Variants in PKP1 observed in about 807,000 individuals in gnomAD.
The protein encoded by PKP1 is plakophilin-1.
PKP1 carries 27 observed loss-of-function variants against 76.4 expected under a neutral mutation model. The ratio of observed to expected loss-of-function variants is 0.35; its 90% CI spans 0.26 to 0.49. PKP1 has a LOEUF of 0.49. Ranked by LOEUF, PKP1 falls within the 20% of genes least tolerant of loss-of-function variation. PKP1 has a pLI of 0.99. For synonymous variants in PKP1, 404 were observed against 384.2 expected (o/e 1.05, Z -0.60); for missense variants, 964 against 955.2 (o/e 1.01, Z -0.12).
chr1:201,301,742 T>C (rs1049084669), intron 2 of PKP1, among the ~76,000 whole-genome samples: 1 of 152,132 alleles, frequency 6.6e-6, no homozygotes, highest in Admixed American at 6.5e-5. Context: ...TTTTTTTTTT[T>C]TCTTTTGGCC....
chr1:201,290,061 G>C (rs1163263074), intron 1 of PKP1, among the ~76,000 whole-genome samples: 1 of 152,112 alleles, frequency 6.6e-6, no homozygotes, highest in Non-Finnish European at 1.5e-5. Context: ...GTTTTGAGGC[G>C]AGAAAGCTTG....
intron 7 of PKP1, among the ~76,000 whole-genome samples, chr1:201,320,988 G>C (rs1483211113): frequency 1.3e-5 from 2 of 152,216 alleles, no homozygotes; most frequent in Non-Finnish European, 2.9e-5. Flanking sequence ...AAGAAAAAAA[G>C]TTGTGGAGGG....
chr1:201,306,819 C>T (rs1400352657), intron 2 of PKP1, among the ~76,000 whole-genome samples: 3 of 148,982 alleles, frequency 2.0e-5, no homozygotes, highest in Non-Finnish European at 3.0e-5. Context: ...GGACTATAGG[C>T]GCCCACCACC....
chr1:201,295,698 T>C (rs1656051085), intron 2 of PKP1, among the ~76,000 whole-genome samples: 1 of 152,206 alleles, frequency 6.6e-6, no homozygotes, highest in Non-Finnish European at 1.5e-5. Context: ...TGACTTTAGA[T>C]AGTTTAATTT....
chr1:201,324,365 T>A, intron 9 of PKP1, 63 bp from the exon 10 acceptor site: 1 of 1,558,160 alleles, frequency 6.4e-7, no homozygotes, highest in Non-Finnish European at 8.8e-7. Context: ...CCTTGCCCCT[T>A]TCTGCCTGCC....
chr1:201,303,583 T>C (rs539792126), intron 2 of PKP1, among the ~76,000 whole-genome samples: 2 of 152,348 alleles, frequency 1.3e-5, no homozygotes, highest in East Asian at 3.9e-4. Context: ...TAGGTACTTT[T>C]ACCTGGCAGA....
At position 201,313,462 on chromosome 1, in the gene PKP1, G is replaced by T; in HGVS notation, c.603G>T (p.Val201=). Residue 201 remains valine, a synonymous_variant, in exon 3 of 14, where the codon GTG becomes GTT. Transcript: ENST00000367324. ...SGQKAIKKCP[V]RPPSCASKQD... ...AGAAGGCCATAAAGAAGTGCCCTGT[G>T]CGCCCGCCCTCTTGTGCCTCCAAGC... 1 of 1,611,652 alleles carries T rather than the reference G, an allele frequency of 6.2e-7. No homozygotes were observed. The highest frequency in any genetic ancestry group is 1.1e-5 in the South Asian group (1 of 90,236).
At chr1:201,296,547 TA>T (rs1656079698) in intron 2 of PKP1, among the ~76,000 whole-genome samples, 2 of 152,226 alleles carry the variant, frequency 1.3e-5, no homozygotes, top group Admixed American at 6.5e-5. Flanking sequence ...AGATACTTTA[TA>T]TTCACTCGGT....
At chr1:201,321,912 G>A in intron 7 of PKP1, 66 bp from the exon 8 acceptor site, 1 of 1,584,120 alleles carries the variant, frequency 6.3e-7, no homozygotes, top group South Asian at 1.1e-5. Context: ...AGCTAGGGTA[G>A]GTGGTAGGCC....
At chr1:201,306,605 A>G (rs1656373475) in intron 2 of PKP1, among the ~76,000 whole-genome samples, 1 of 152,236 alleles carries the variant, frequency 6.6e-6, no homozygotes, top group Admixed American at 6.5e-5. Context: ...TTCAAAGCTT[A>G]TAAGGGATAC....
In PKP1 at chr1:201,317,849, G is replaced by A. The variant is rs1302984909; in HGVS notation, c.1054+70G>A. On this transcript the variant is annotated intron_variant, in intron 5 of 13. Transcript: ENST00000367324. ...GGCCACTGGCTATGGCCCCAGGCTGGGGTGCAAGCCTGTCTCTCCAGGCTG... is the reference window on the plus strand; with the variant it reads ...GGCCACTGGCTATGGCCCCAGGCTGAGGTGCAAGCCTGTCTCTCCAGGCTG... The A allele has an allele frequency of 3.5e-6, 5 of 1,439,262 alleles. No homozygotes were observed. In the East Asian group the frequency reaches 9.5e-5, roughly 27 times the overall value. 89.2% of individuals were successfully genotyped at this position (1,439,262 alleles called of 1,614,324 possible).
chr1:201,310,652 C>T (rs560383833), intron 2 of PKP1, among the ~76,000 whole-genome samples: 5 of 152,308 alleles, frequency 3.3e-5, no homozygotes, highest in African/African-American at 1.2e-4. Flanking sequence ...GGCTTTACTC[C>T]TGCTTGTCAA....
At chr1:201,287,236 C>T (rs1186244283) in intron 1 of PKP1, among the ~76,000 whole-genome samples, 1 of 152,178 alleles carries the variant, frequency 6.6e-6, no homozygotes. Context: ...AACATTGAGC[C>T]AGGGGAGGTG....
In PKP1 at chr1:201,324,928, G is replaced by T. The variant is rs199726807; in HGVS notation, c.1835-13G>T. The T allele has an allele frequency of 6.2e-7, 1 of 1,612,664 alleles. No individual in the cohort carries two copies. Among genetic ancestry groups the T allele is most frequent in the Non-Finnish European group, 8.5e-7 (1 of 1,179,566 alleles). ...TCATCCTGACCCTGTGCCCCAACTCGTTCCTCTCCCAGGGAACCAGGTGTT... is the reference window on the plus strand; with the variant it reads ...TCATCCTGACCCTGTGCCCCAACTCTTTCCTCTCCCAGGGAACCAGGTGTT... On this transcript the variant is annotated splice_polypyrimidine_tract_variant and intron_variant, in intron 10 of 13. Transcript: ENST00000367324.
chr1:201,293,380 G>A (rs2102154400), intron 1 of PKP1, among the ~76,000 whole-genome samples: 1 of 152,310 alleles, frequency 6.6e-6, no homozygotes, highest in African/African-American at 2.4e-5. Context: ...CTGGGCCTTT[G>A]AGGTTGATCG....
At position 201,322,132 on chromosome 1, in the gene PKP1, T is replaced by C. The variant is rs1380543459; in HGVS notation, c.1502T>C (p.Met501Thr). The C allele has an allele frequency of 1.2e-6, 2 of 1,609,916 alleles. No individual in the cohort carries two copies. The highest frequency in any genetic ancestry group is 1.7e-5 in the Admixed American group (1 of 59,872). ...TTCAGCAACAAGAGCGACAAGATGATGGTGAGCACAGCATCAGCAGGGCGG... is the reference window on the plus strand; with the variant it reads ...TTCAGCAACAAGAGCGACAAGATGACGGTGAGCACAGCATCAGCAGGGCGG... Reference protein sequence around the residue: ...GCFSNKSDKMMNNNYDCPLPE... With the variant: ...GCFSNKSDKMTNNNYDCPLPE... The change falls in exon 8 of 14, where the codon ATG (methionine) becomes ACG (threonine). Residue 501 changes from methionine to threonine, a missense_variant and splice_region_variant. Met to Thr is a moderately conservative substitution (Grantham distance 81). Transcript: ENST00000367324.
At chr1:201,316,450 C>A (rs1266786580) in intron 3 of PKP1, 103 bp from the exon 4 acceptor site, 2 of 1,245,530 alleles carry the variant, frequency 1.6e-6, no homozygotes, top group African/African-American at 3.0e-5. Context: ...CTCCAGAGGG[C>A]AGATGAGGCT....
In PKP1 at chr1:201,319,673, G is replaced by C. The variant is rs908101464; in HGVS notation, c.1233-594G>C. 1.4e-4 allele frequency: 116 copies of C among 800,624 alleles called. No individual in the cohort carries two copies. In the African/African-American group the frequency reaches 1.5e-3, roughly 10 times the overall value. The allele number at this position is 800,624 out of a possible 1,614,324, so 49.6% of individuals were successfully genotyped here. A position where few individuals can be genotyped will look rare whatever the true frequency, so the allele number is the denominator to read the frequency against. On this transcript the variant is annotated intron_variant, in intron 6 of 13. Transcript: ENST00000367324. ...GGCTGATGAGCCCACATTGCTTGGG[G>C]ATGAGCCCACATTGCTTGGGAGTGA...
In PKP1 at chr1:201,328,755, T is replaced by C; in HGVS notation, c.2107-7T>C. 6.2e-7 allele frequency: 1 copy of C among 1,613,956 alleles called. No homozygotes were observed. The highest frequency in any genetic ancestry group is 8.5e-7 in the Non-Finnish European group (1 of 1,179,828). On this transcript the variant is annotated splice_polypyrimidine_tract_variant and splice_region_variant and intron_variant, in intron 12 of 13. Coordinates refer to ENST00000367324, the MANE Select transcript of PKP1 (RefSeq NM_001005337.3). ...GTGTCATTTGGTTGCTGTTTCTCCCTTTGCAGCAAGGTTTCGATAGGAACA... is the reference window on the plus strand; with the variant it reads ...GTGTCATTTGGTTGCTGTTTCTCCCCTTGCAGCAAGGTTTCGATAGGAACA...
Sources: gnomAD v4.1 joint callset for allele counts (sites outside exome capture counted in the v4.1 genomes callset) on GRCh38, gnomAD v4.1.1 for gene constraint, MANE v1.5 for transcripts, NCBI Gene and HGNC (gene_info 2026-07-23, HGNC 2026-07-21) for gene names.